HAL: variants seen among roughly 807,000 people sequenced by gnomAD.
HAL encodes the protein histidine ammonia-lyase, also known as histidase.
Under a neutral mutation model 81.1 loss-of-function variants are expected in HAL, and 85 were observed. That is an observed-to-expected ratio of 1.05 (90% confidence interval 0.88 to 1.25). The LOEUF (loss-of-function observed/expected upper bound fraction) is 1.25. Ranked by LOEUF, HAL falls within the 50% of genes most tolerant of loss-of-function variation. The pLI is 0.00. For synonymous variants in HAL, 301 were observed against 309.2 expected (o/e 0.97, Z 0.28); for missense variants, 798 against 836.6 (o/e 0.95, Z 0.57).
chr12:95,980,774 C>A lies in HAL; in HGVS notation c.1353+24G>T, dbSNP rs190068379. The A allele has an allele frequency of 6.4e-4, 1,025 of 1,599,464 alleles. 1 individual carries two copies. Among genetic ancestry groups the A allele is most frequent in the Admixed American group, 1.9e-3 (115 of 60,010 alleles). On this transcript the variant is annotated intron_variant, in intron 16 of 20. Transcript: ENST00000261208. ...CTATATTGAAATGTGCCTTCTGGGTCAGGAGCAGTTTTAAAAAGCTTACTT... is the reference window on the plus strand; with the variant it reads ...CTATATTGAAATGTGCCTTCTGGGTAAGGAGCAGTTTTAAAAAGCTTACTT...
At chr12:95,986,738 ACT>A (rs1949893749) in intron 12 of HAL, among the ~76,000 whole-genome samples, 1 of 151,894 alleles carries the variant, frequency 6.6e-6, no homozygotes. Context: ...GTCGGGACCA[ACT>A]CTAATCCTAC....
chr12:95,992,680 C>T lies in HAL; in HGVS notation c.715G>A (p.Ala239Thr). Residue 239 changes from alanine (A) to threonine (T), a missense_variant and splice_region_variant, in exon 9 of 21, where the codon GCC becomes ACC. Ala to Thr is a moderately conservative substitution (Grantham distance 58, BLOSUM62 0). Transcript: ENST00000261208. ...TCCGTCTAGGGAGCCATTGCATTACCATTAAACATTTCTATGACTTGTTTG... is the reference window on the plus strand; with the variant it reads ...TCCGTCTAGGGAGCCATTGCATTACTATTAAACATTTCTATGACTTGTTTG... ...TLKQVIEMFN[A>T]SCLPYVPEKG... 6.2e-7 allele frequency: 1 copy of T among 1,611,510 alleles called. No homozygotes were observed. The highest frequency in any genetic ancestry group is 8.5e-7 in the Non-Finnish European group (1 of 1,177,906).
At chr12:95,983,112 G>A (rs2136803843) in intron 15 of HAL, among the ~76,000 whole-genome samples, 1 of 152,356 alleles carries the variant, frequency 6.6e-6, no homozygotes, top group South Asian at 2.1e-4. Flanking sequence ...TGGGGGCTGG[G>A]TGTAGTCGCT....
Position 95,988,144 on chromosome 12 carries a change from T to A in HAL, c.903+49A>T, listed in dbSNP as rs1382263448. The A allele has an allele frequency of 2.0e-5, 18 of 886,280 alleles. No homozygotes were observed. The Admixed American group carries it at 3.1e-4, about 15-fold the overall frequency. 54.9% of individuals were successfully genotyped at this position (886,280 alleles called of 1,614,324 possible). A position where few individuals can be genotyped will look rare whatever the true frequency, so the allele number is the denominator to read the frequency against. On this transcript the variant is annotated intron_variant, in intron 11 of 20. Coordinates refer to ENST00000261208, the MANE Select transcript of HAL (RefSeq NM_002108.4). ...TGAGATTAAAACTGAAAATACTGCA[T>A]AAATAAAAACTCATGCACTATGAAC...
Position 95,995,857 on chromosome 12 carries a change from C to A in HAL, c.54G>T (p.Gln18His), listed in dbSNP as rs745610347. ...VRGEWLAVPC[Q>H]DAQLTVGWLG... ...GCCAGCCCACAGTGAGCTGCGCGTC[C>A]TGGCAGGGCACTGCCAGCCATTCCC... Residue 18 changes from glutamine to histidine, a missense_variant, in exon 2 of 21, where the codon CAG becomes CAT. Transcript: ENST00000261208. 2 of 1,609,624 alleles carry A rather than the reference C, an allele frequency of 1.2e-6. No homozygotes were observed. The highest frequency in any genetic ancestry group is 1.6e-4 in the Middle Eastern group (1 of 6,062).
chr12:95,991,434 G>A (rs1421251430), intron 9 of HAL, among the ~76,000 whole-genome samples: 1 of 152,146 alleles, frequency 6.6e-6, no homozygotes, highest in Admixed American at 6.5e-5. Context: ...GTGCACCAAA[G>A]CATTAACAAG....
At position 95,980,704 on chromosome 12, in the gene HAL, G is replaced by A. The variant is rs942368889; in HGVS notation, c.1371C>T (p.Ala457=). 1 of 1,613,776 alleles carries A rather than the reference G, an allele frequency of 6.2e-7. No homozygotes were observed. Among genetic ancestry groups the A allele is most frequent in the African/African-American group, 1.3e-5 (1 of 74,908 alleles). Residue 457 remains alanine (A), a synonymous_variant, in exon 17 of 21, where the codon GCC becomes GCT. Coordinates refer to ENST00000261208, the MANE Select transcript of HAL (RefSeq NM_002108.4). ...EYPAKALDYL[A]IGIHELAAIS... ...TTGCAGCAAGTTCATGGATGCCAAT[G>A]GCCAAGTAGTCTAGGGCCTGAAAGA...
chr12:95,995,052 T>C (rs1173411420), intron 2 of HAL, 59 bp from the exon 3 acceptor site: 4 of 1,308,976 alleles, frequency 3.1e-6, no homozygotes, highest in Non-Finnish European at 4.4e-6. Flanking sequence ...GTTCCCCCTG[T>C]TAAACCAAGG....
At chr12:95,975,922 C>T (rs917064876) in intron 20 of HAL, among the ~76,000 whole-genome samples, 4 of 152,316 alleles carry the variant, frequency 2.6e-5, no homozygotes, top group Non-Finnish European at 4.4e-5. Context: ...GCTGAGTATA[C>T]GGTCAATGTA....
intron 2 of HAL, 114 bp downstream of exon 2, chr12:95,995,550 C>T (rs1443002976): frequency 2.1e-5 from 30 of 1,450,146 alleles, no homozygotes; most frequent in Non-Finnish European, 2.8e-5. Context: ...ACAGGGCCAG[C>T]CTCGGCAAGC....
intron 18 of HAL, among the ~76,000 whole-genome samples, chr12:95,977,003 GT>G (rs2080728858): frequency 6.6e-6 from 1 of 152,178 alleles, no homozygotes; most frequent in African/African-American, 2.4e-5. Context: ...AATCTGCCAT[GT>G]CCCCCATTCA....
chr12:95,976,511 C>T lies in HAL; in HGVS notation c.1764-13G>A. 1 of 1,613,430 alleles carries T rather than the reference C, an allele frequency of 6.2e-7. No homozygotes were observed. On this transcript the variant is annotated splice_polypyrimidine_tract_variant and intron_variant, in intron 19 of 20. Coordinates refer to ENST00000261208, the MANE Select transcript of HAL (RefSeq NM_002108.4). ...TTTTATCCAGGGCCTACAGGGAGAG[C>T]ACATCCGCCCATCAGCCAAACATGA... is the stretch of plus-strand genomic sequence containing the variant.
chr12:95,985,821 C>G, intron 14 of HAL, 87 bp downstream of exon 14: 1 of 856,038 alleles, frequency 1.2e-6, no homozygotes, highest in East Asian at 2.6e-5. Context: ...TAACACTTTC[C>G]TATTTTAAAA....
At chr12:95,979,050 G>A (rs1565986058) in intron 17 of HAL, among the ~76,000 whole-genome samples, 1 of 152,150 alleles carries the variant, frequency 6.6e-6, no homozygotes, top group African/African-American at 2.4e-5. Context: ...CTGTGGTAAG[G>A]CTTGTTCGGA....
rs183736198 is a variant in HAL, at chr12:95,983,238, A to G, written c.1287+673T>C. Among the ~76,000 whole-genome samples the G allele has an allele frequency of 1.1e-3, 163 of 152,196 alleles. 1 individual carries two copies. Among genetic ancestry groups the G allele is most frequent in the African/African-American group, 3.8e-3 (157 of 41,534 alleles). ...CCCTGTCTCTACTAAAAATACAAAT[A>G]TTAGCCAGGCCTGCTGGCACATGCC... On this transcript the variant is annotated intron_variant, in intron 15 of 20. Coordinates refer to ENST00000261208, the MANE Select transcript of HAL (RefSeq NM_002108.4).
chr12:95,974,136 A>T lies in HAL; in HGVS notation c.*96T>A, dbSNP rs1376358373. 1 of 1,037,974 alleles carries T rather than the reference A, an allele frequency of 9.6e-7. No homozygotes were observed. The allele number at this position is 1,037,974 out of a possible 1,614,324, so 64.3% of individuals were successfully genotyped here. ...AAGAACTGAATGATACAATGGATTG[A>T]TCTACCTAGGAAAGTTCTCAGGTCT... On this transcript the variant is annotated 3_prime_UTR_variant, in exon 21 of 21. Coordinates refer to ENST00000261208, the MANE Select transcript of HAL (RefSeq NM_002108.4).
At chr12:95,988,048 A>T in intron 11 of HAL, 145 bp downstream of exon 11, 1 of 669,142 alleles carries the variant, frequency 1.5e-6, no homozygotes. Flanking sequence ...TTAAATTCTT[A>T]CGGAGTTGCC....
At chr12:95,989,508 G>A (rs950639686) in intron 10 of HAL, 3 of 152,282 alleles carry the variant, frequency 2.0e-5, no homozygotes, top group East Asian at 1.9e-4. Context: ...CCTTCTCCAA[G>A]CAACCTCCAG....
At chr12:95,981,401 G>T (rs558236215) in intron 15 of HAL, among the ~76,000 whole-genome samples, 115 of 152,302 alleles carry the variant, frequency 7.6e-4, no homozygotes, top group Non-Finnish European at 4.9e-4. Context: ...TGGCCAATAT[G>T]TCCTCATGAA....
Sources: allele counts gnomAD v4.1 joint callset (sites outside exome capture counted in the v4.1 genomes callset), GRCh38; gene constraint gnomAD v4.1.1; transcripts MANE v1.5; gene names NCBI Gene and HGNC (gene_info 2026-07-23, HGNC 2026-07-21).